CFAP299: variants seen among roughly 807,000 people sequenced by gnomAD.
CFAP299 encodes cilia and flagella associated protein 299, also known as cilia- and flagella-associated protein 299.
In CFAP299, 21 loss-of-function variants were observed where a neutral mutation model predicts 27.0. The observed-to-expected ratio is 0.78, with a 90% CI of 0.55 to 1.12. The LOEUF (loss-of-function observed/expected upper bound fraction) is 1.12, where lower values mean the gene tolerates loss of function less well. Ranked by LOEUF, CFAP299 falls within the 50% of genes most tolerant of loss-of-function variation. The pLI is 0.00. For synonymous variants in CFAP299, 104 were observed against 98.1 expected, an observed-to-expected ratio of 1.06 and a Z score of -0.36; for missense variants, 310 against 276.6, an observed-to-expected ratio of 1.12 and a Z score of -0.86.
intron 2 of CFAP299, among the ~76,000 whole-genome samples, chr4:80,385,356 AC>A (rs1724913720): frequency 2.6e-5 from 4 of 152,060 alleles, no homozygotes; most frequent in Admixed American, 2.0e-4. Context: ...TTGTTTTCAT[AC>A]ATTTATTTAA....
chr4:80,919,624 T>C (rs1263994079), intron 4 of CFAP299, among the ~76,000 whole-genome samples: 2 of 152,176 alleles, frequency 1.3e-5, no homozygotes, highest in Middle Eastern at 3.2e-3. Context: ...TATGTTTGGA[T>C]CATTTTATTA....
At chr4:80,540,861 G>C (rs11931976) in intron 2 of CFAP299, among the ~76,000 whole-genome samples, 10,803 of 152,212 alleles carry the variant, frequency 0.071, 584 homozygotes, top group East Asian at 0.25. Flanking sequence ...AACCTTTGTA[G>C]TGATTAGCAG....
intron 3 of CFAP299, among the ~76,000 whole-genome samples, chr4:80,591,217 G>A (rs1221258045): frequency 4.9e-5 from 7 of 142,974 alleles, no homozygotes; most frequent in East Asian, 2.1e-4. Flanking sequence ...TCCGCCTCCC[G>A]GGTTCACGCC....
chr4:80,456,710 G>C (rs1310809592), intron 2 of CFAP299, among the ~76,000 whole-genome samples: 1 of 152,160 alleles, frequency 6.6e-6, no homozygotes, highest in Non-Finnish European at 1.5e-5. Flanking sequence ...AAGATGTAGA[G>C]GGCAGTTGGA....
intron 3 of CFAP299, among the ~76,000 whole-genome samples, chr4:80,697,289 G>T (rs559802901): frequency 6.6e-6 from 1 of 152,074 alleles, no homozygotes; most frequent in East Asian, 1.9e-4. Context: ...ATTTTTATAG[G>T]ATATAAACCT....
At chr4:80,645,392 C>T (rs907114656) in intron 3 of CFAP299, among the ~76,000 whole-genome samples, 1 of 151,884 alleles carries the variant, frequency 6.6e-6, no homozygotes, top group Non-Finnish European at 1.5e-5. Context: ...AAATATTAAC[C>T]TAATCTACCT....
At position 80,855,011 on chromosome 4, in the gene CFAP299, C is replaced by T. The variant is rs74600615; in HGVS notation, c.334-14982C>T. ...TAAAGAAGACAAGCATACTAAAATA[C>T]GATGGTTTAATGGATTAGTGACTCC... On this transcript the variant is annotated intron_variant, in intron 3 of 5. Coordinates refer to ENST00000358105, the MANE Select transcript of CFAP299 (RefSeq NM_152770.3). 1.5e-3 allele frequency among the ~76,000 whole-genome samples: 235 copies of T among 151,826 alleles called. 3 individuals carry two copies. In the East Asian group the frequency reaches 0.034, roughly 22 times the overall value.
intron 4 of CFAP299, among the ~76,000 whole-genome samples, chr4:80,916,129 G>T (rs1578235948): frequency 6.6e-6 from 1 of 150,478 alleles, no homozygotes; most frequent in East Asian, 2.0e-4. Context: ...GGGCGTGTTG[G>T]TGGGTGCCTG....
At chr4:80,499,355 G>A (rs1203491865) in intron 2 of CFAP299, among the ~76,000 whole-genome samples, 1 of 152,110 alleles carries the variant, frequency 6.6e-6, no homozygotes, top group East Asian at 1.9e-4. Flanking sequence ...ATCGTGTTTA[G>A]TTGTAGTTTT....
At chr4:80,696,665 G>C (rs1244530985) in intron 3 of CFAP299, among the ~76,000 whole-genome samples, 1 of 152,112 alleles carries the variant, frequency 6.6e-6, no homozygotes, top group African/African-American at 2.4e-5. Flanking sequence ...AAAACAGGGT[G>C]TTTAATAAAG....
At chr4:80,388,760 G>T (rs1725171457) in intron 2 of CFAP299, 1 of 486,784 alleles carries the variant, frequency 2.1e-6, no homozygotes, top group Non-Finnish European at 3.6e-6. Context: ...TAGATTTTTT[G>T]GGGAGGTAGG....
Position 80,883,132 on chromosome 4 carries a change from G to C in CFAP299, c.476+12997G>C, listed in dbSNP as rs146640721. Among the ~76,000 whole-genome samples the C allele has an allele frequency of 6.8e-4, 104 of 152,124 alleles. 1 individual carries two copies. In the East Asian group the frequency reaches 0.018, roughly 27 times the overall value. On this transcript the variant is annotated intron_variant, in intron 4 of 5. Transcript: ENST00000358105. ...TACAATATTAAAAGTTATACATTTT[G>C]ACTCTAATAACATTAAGCATATGAG...
intron 3 of CFAP299, among the ~76,000 whole-genome samples, chr4:80,791,483 A>G (rs1727566546): frequency 6.6e-6 from 1 of 152,130 alleles, no homozygotes; most frequent in South Asian, 2.1e-4. Context: ...TTAATAAGGT[A>G]TATTAGCAAT....
chr4:80,889,473 G>A (rs1038968368), intron 4 of CFAP299, among the ~76,000 whole-genome samples: 1 of 151,868 alleles, frequency 6.6e-6, no homozygotes, highest in South Asian at 2.1e-4. Context: ...TAACAAGATT[G>A]AAGGTGAAAT....
intron 2 of CFAP299, among the ~76,000 whole-genome samples, chr4:80,490,487 A>G (rs1731059540): frequency 6.6e-6 from 1 of 152,214 alleles, no homozygotes; most frequent in Non-Finnish European, 1.5e-5. Context: ...GTGAGTACAG[A>G]AAGCTCCTCT....
At chr4:80,687,243 C>A (rs1720259866) in intron 3 of CFAP299, among the ~76,000 whole-genome samples, 1 of 152,152 alleles carries the variant, frequency 6.6e-6, no homozygotes, top group Non-Finnish European at 1.5e-5. Flanking sequence ...TTTATTAAAT[C>A]CCCATATTTC....
intron 3 of CFAP299, among the ~76,000 whole-genome samples, chr4:80,816,816 C>A (rs893069961): frequency 6.6e-6 from 1 of 152,012 alleles, no homozygotes; most frequent in East Asian, 1.9e-4. Context: ...ACATAAAATA[C>A]GCTGCCACTA....
chr4:80,837,596 C>A lies in CFAP299; in HGVS notation c.334-32397C>A, dbSNP rs951940361. Among the ~76,000 whole-genome samples the A allele has an allele frequency of 3.3e-5, 5 of 152,136 alleles. No homozygotes were observed. In the East Asian group the frequency reaches 9.6e-4, roughly 29 times the overall value. ...TAATGTTTTCCAGCTTCATCTATGTCCCTGCAAAGGACATGAACTCATTCT... is the reference window on the plus strand; with the variant it reads ...TAATGTTTTCCAGCTTCATCTATGTACCTGCAAAGGACATGAACTCATTCT... On this transcript the variant is annotated intron_variant, in intron 3 of 5. Coordinates refer to ENST00000358105, the MANE Select transcript of CFAP299 (RefSeq NM_152770.3).
At chr4:80,951,636 GA>G in intron 5 of CFAP299, among the ~76,000 whole-genome samples, 1 of 152,204 alleles carries the variant, frequency 6.6e-6, no homozygotes, top group Middle Eastern at 3.4e-3. Flanking sequence ...TTAGATATCA[GA>G]CTGAATCCAT....
Sources: gnomAD v4.1 joint callset for allele counts (sites outside exome capture counted in the v4.1 genomes callset) on GRCh38, gnomAD v4.1.1 for gene constraint, MANE v1.5 for transcripts, NCBI Gene and HGNC (gene_info 2026-07-23, HGNC 2026-07-21) for gene names.